MCMDC2: variants seen among roughly 807,000 people sequenced by gnomAD.
MCMDC2 encodes the protein minichromosome maintenance domain containing 2.
MCMDC2 carries 54 observed loss-of-function variants against 75.8 expected under a neutral mutation model. That is an observed-to-expected ratio of 0.71 (90% CI 0.57 to 0.89). The LOEUF (loss-of-function observed/expected upper bound fraction) is 0.89. Among genes scored for constraint, MCMDC2 ranks in the 40% least tolerant of loss-of-function variants. MCMDC2 has a pLI of 0.00. For synonymous variants in MCMDC2, 249 were observed against 274.6 expected (o/e 0.91, Z 0.92); for missense variants, 656 against 780.4 (o/e 0.84, Z 1.90).
rs746087269 is a variant in MCMDC2, at chr8:66,877,863, T to TAA, written c.481+339_481+340dup. 8.5e-3 allele frequency among the ~76,000 whole-genome samples: 740 copies of TAA among 87,384 alleles called. 9 individuals carry two copies. Among genetic ancestry groups the TAA allele is most frequent in the African/African-American group, 0.029 (689 of 23,872 alleles). 57.3% of individuals were successfully genotyped at this position (87,384 alleles called of 152,430 possible). The stretch of plus-strand genomic sequence containing the variant: ...CTGGATGACAAAGAGTGACCCTGTC[T>TAA]AAAAAAAAAAAAAAAAAAAAATTGA... On this transcript the variant is annotated intron_variant, in intron 5 of 14. Transcript: ENST00000422365.
chr8:66,891,088 A>C lies in MCMDC2; in HGVS notation c.1279+18A>C, dbSNP rs772426294. 26 of 1,580,494 alleles carry C rather than the reference A, an allele frequency of 1.6e-5. No individual in the cohort carries two copies. Among genetic ancestry groups the C allele is most frequent in the Non-Finnish European group, 2.1e-5 (25 of 1,166,824 alleles). On this transcript the variant is annotated intron_variant, in intron 10 of 14. Transcript: ENST00000422365. ...TCAAACAGGTAAACAATATTTTTTA[A>C]ATTAATTTTCACCCGTTTAACCTAT...
chr8:66,906,954 G>A (rs970136644), intron 14 of MCMDC2, among the ~76,000 whole-genome samples: 3 of 151,972 alleles, frequency 2.0e-5, no homozygotes, highest in African/African-American at 7.3e-5. Context: ...TTTTAATAGA[G>A]ATGGGGTTTC....
chr8:66,874,576 C>T lies in MCMDC2; in HGVS notation c.275C>T (p.Thr92Ile), dbSNP rs370379026. ...KTLSLIGQLQTETQINIVLKL... is the reference protein window; with the variant it reads ...KTLSLIGQLQIETQINIVLKL... ...CTCTCATTAATTGGACAATTGCAGA[C>T]TGAAACGCAAGTAAGTTTTAGTTAC... The change falls in exon 4 of 15, where the codon ACT becomes ATT. Residue 92 changes from threonine to isoleucine, a missense_variant. Thr to Ile is a moderately conservative substitution (Grantham distance 89). Transcript: ENST00000422365. The T allele has an allele frequency of 5.0e-6, 8 of 1,612,316 alleles. No individual in the cohort carries two copies. The African/African-American group carries it at 9.4e-5, about 19-fold the overall frequency.
chr8:66,898,071 T>C (rs924012546), intron 12 of MCMDC2, among the ~76,000 whole-genome samples: 1 of 152,098 alleles, frequency 6.6e-6, no homozygotes, highest in Non-Finnish European at 1.5e-5. Flanking sequence ...AAGAATAATA[T>C]TTATAATATA....
downstream of MCMDC2, chr8:66,922,705 A>G (rs1585926353): frequency 7.1e-6 from 2 of 282,178 alleles, no homozygotes; most frequent in South Asian, 6.1e-5. Context: ...ATACACCTTC[A>G]CCTCAAAGGC....
chr8:66,895,582 A>G (rs1195487186), intron 10 of MCMDC2, among the ~76,000 whole-genome samples: 1 of 151,540 alleles, frequency 6.6e-6, no homozygotes, highest in African/African-American at 2.4e-5. Flanking sequence ...AATTTTTTGT[A>G]GTAACAGGGT....
rs754732110 is a variant in MCMDC2, at chr8:66,891,045, A to T, written c.1254A>T (p.Lys418Asn). 1 of 1,594,432 alleles carries T rather than the reference A, an allele frequency of 6.3e-7. No individual in the cohort carries two copies. The highest frequency in any genetic ancestry group is 1.9e-5 in the Admixed American group (1 of 52,550). Residue 418 changes from lysine (K) to asparagine (N), a missense_variant, in exon 10 of 15, where the codon AAA becomes AAT. Lys to Asn is a moderately conservative substitution (Grantham distance 94). Coordinates refer to ENST00000422365, the MANE Select transcript of MCMDC2 (RefSeq NM_173518.5). ...TAGGAGACTTGGCTTCACACAAAAA[A>T]GATAAACTTGAACAGCTTCAAACAG... ...CFIGDLASHK[K>N]DKLEQLQTVL... is the part of the protein sequence containing the mutation.
chr8:66,899,070 A>C (rs1001717807), intron 12 of MCMDC2, among the ~76,000 whole-genome samples: 2 of 152,272 alleles, frequency 1.3e-5, no homozygotes, highest in African/African-American at 2.4e-5. Context: ...TTTCTCTGGA[A>C]GATAAATCTG....
intron 9 of MCMDC2, among the ~76,000 whole-genome samples, chr8:66,886,774 CAAA>C (rs762641173): frequency 8.6e-5 from 9 of 105,218 alleles, no homozygotes; most frequent in Non-Finnish European, 5.9e-5. Flanking sequence ...GACTCAGTCT[CAAA>C]AAAAAAAAAA....
rs368735510 is a variant in MCMDC2 at position 66,879,007 on chromosome 8, A to G, written c.709+88A>G. 7.2e-5 allele frequency: 57 copies of G among 786,944 alleles called. No individual in the cohort carries two copies. In the African/African-American group the frequency reaches 7.7e-4, roughly 11 times the overall value. The allele number at this position is 786,944 out of a possible 1,614,324, so 48.7% of individuals were successfully genotyped here. ...TGGCTGGCTCATGCCTGTAATCCCAACACTTTTGGAGGCTGAGGTGGGAGG... is the reference window on the plus strand; with the variant it reads ...TGGCTGGCTCATGCCTGTAATCCCAGCACTTTTGGAGGCTGAGGTGGGAGG... On this transcript the variant is annotated intron_variant, in intron 7 of 14. Coordinates refer to ENST00000422365, the MANE Select transcript of MCMDC2 (RefSeq NM_173518.5).
rs754530081 is a variant in MCMDC2 at position 66,878,697 on chromosome 8, G to A, written c.604+1G>A. The A allele has an allele frequency of 6.4e-7, 1 of 1,556,206 alleles. No homozygotes were observed. The highest frequency in any genetic ancestry group is 2.1e-5 in the Admixed American group (1 of 47,512). On this transcript the variant is annotated splice_donor_variant, in intron 6 of 14. Transcript: ENST00000422365. LOFTEE classifies it high-confidence loss of function. ...GACAGAAAATTTAGAGTACTTGGTG[G>A]TAATATGCATTTATATTTTGTAATT...
chr8:66,890,570 G>A (rs755249609), intron 9 of MCMDC2, among the ~76,000 whole-genome samples: 4 of 151,724 alleles, frequency 2.6e-5, no homozygotes, highest in Non-Finnish European at 5.9e-5. Context: ...TCTGTTGCCC[G>A]GGCTGGAGTG....
chr8:66,872,681 G>A (rs1811079049), intron 1 of MCMDC2, among the ~76,000 whole-genome samples: 1 of 152,014 alleles, frequency 6.6e-6, no homozygotes, highest in Admixed American at 6.6e-5. Flanking sequence ...AATGAGGCCG[G>A]GTGCGGTGGC....
chr8:66,903,967 C>T (rs1396969797), intron 13 of MCMDC2, among the ~76,000 whole-genome samples: 16 of 151,890 alleles, frequency 1.1e-4, no homozygotes. Flanking sequence ...GCCCAGACTC[C>T]CTAGTATAAG....
chr8:66,894,681 T>C (rs1812259128), intron 10 of MCMDC2, among the ~76,000 whole-genome samples: 1 of 152,224 alleles, frequency 6.6e-6, no homozygotes, highest in South Asian at 2.1e-4. Context: ...TTTATGTCAA[T>C]ATAAAATTTT....
At chr8:66,876,819 G>A (rs1404941214) in intron 4 of MCMDC2, among the ~76,000 whole-genome samples, 1 of 152,034 alleles carries the variant, frequency 6.6e-6, no homozygotes, top group African/African-American at 2.4e-5. Flanking sequence ...GGAGTGCAGT[G>A]GCGCGACCTC....
Position 66,874,598 on chromosome 8 carries a change from T to C in MCMDC2, c.285+12T>C, listed in dbSNP as rs1157671332. The stretch of plus-strand genomic sequence containing the variant: ...AGACTGAAACGCAAGTAAGTTTTAG[T>C]TACATTTAAGCAAACTCAGGTACAG... On this transcript the variant is annotated intron_variant, in intron 4 of 14. Coordinates refer to ENST00000422365, the MANE Select transcript of MCMDC2 (RefSeq NM_173518.5). 1 of 1,608,822 alleles carries C rather than the reference T, an allele frequency of 6.2e-7. No individual in the cohort carries two copies.
At chr8:66,909,433 A>G (rs1447319491) in intron 14 of MCMDC2, among the ~76,000 whole-genome samples, 1 of 152,236 alleles carries the variant, frequency 6.6e-6, no homozygotes, top group Non-Finnish European at 1.5e-5. Flanking sequence ...TCAGAAGAAG[A>G]TAGGAAGATG....
Position 66,905,274 on chromosome 8 carries a change from G to A in MCMDC2, c.1818G>A (p.Val606=). The A allele has an allele frequency of 6.7e-7, 1 of 1,502,254 alleles. No homozygotes were observed. Among genetic ancestry groups the A allele is most frequent in the Non-Finnish European group, 8.9e-7 (1 of 1,122,240 alleles). 93.1% of individuals were successfully genotyped at this position (1,502,254 alleles called of 1,614,324 possible). ...CACGACTGAACTTAAGGAACAAAGT[G>A]CTTAAAGAAGATGTGCTGATTGCAG... ...AHARLNLRNK[V]LKEDVLIAAL... The change falls in exon 14 of 15, where the codon GTG becomes GTA. Residue 606 remains valine, a synonymous_variant. Transcript: ENST00000422365.
Sources: gnomAD v4.1 joint callset for allele counts (sites outside exome capture counted in the v4.1 genomes callset) on GRCh38, gnomAD v4.1.1 for gene constraint, MANE v1.5 for transcripts, NCBI Gene and HGNC (gene_info 2026-07-23, HGNC 2026-07-21) for gene names.